The following HYAL4 variants were observed in gnomAD, a reference collection of about 807,000 sequenced individuals.
HYAL4 encodes hyaluronidase-4.
In HYAL4, 37 loss-of-function variants were observed where a neutral mutation model predicts 35.2. The observed-to-expected ratio is 1.05, with a 90% CI of 0.81 to 1.38. HYAL4 has a LOEUF of 1.38. Ranked by LOEUF, HYAL4 falls within the 40% of genes most tolerant of loss-of-function variation. HYAL4 has a pLI of 0.00. For missense variants in HYAL4, 572 were observed against 572.4 expected (o/e 1.00, Z 0.01); for synonymous variants, 198 against 203.2 (o/e 0.97, Z 0.22).
chr7:123,841,407 T>G (rs1057430588), upstream of HYAL4, among the ~76,000 whole-genome samples: 3 of 152,142 alleles, frequency 2.0e-5, no homozygotes, highest in Admixed American at 2.0e-4. Flanking sequence ...TTATTGAGGA[T>G]TTTTGCATCA....
At chr7:123,782,812 G>A in the HYAL4 span, among the ~76,000 whole-genome samples, 1 of 151,930 alleles carries the variant, frequency 6.6e-6, no homozygotes. Flanking sequence ...TTTTAACTTA[G>A]TGTAACTCAT....
chr7:123,786,713 G>GCTATCTATCTATCTATCTAT, the HYAL4 span, among the ~76,000 whole-genome samples: 17 of 148,462 alleles, frequency 1.1e-4, no homozygotes, highest in East Asian at 6.0e-4. Flanking sequence ...TGTATCACAT[G>GCTATCTATCTATCTATCTAT]CTATCTATCT....
At chr7:123,859,356 G>T (rs1268147120) in intron 2 of HYAL4, among the ~76,000 whole-genome samples, 1 of 152,106 alleles carries the variant, frequency 6.6e-6, no homozygotes, top group Non-Finnish European at 1.5e-5. Context: ...TAATTCACCG[G>T]TATTGTGCAT....
At chr7:123,803,611 T>C in the HYAL4 span, among the ~76,000 whole-genome samples, 2 of 152,244 alleles carry the variant, frequency 1.3e-5, no homozygotes, top group East Asian at 3.8e-4. Context: ...TTCTCAAAAT[T>C]CTATCTTCAG....
chr7:123,868,768 G>A lies in HYAL4; in HGVS notation c.495G>A (p.Gln165=). 1 of 1,614,164 alleles carries A rather than the reference G, an allele frequency of 6.2e-7. No homozygotes were observed. ...GGAACTCAAAAGATGTTTACAGACA[G>A]AAGTCAAGAAAGCTTATTTCCGATA... The part of the protein sequence containing the change: ...RNWNSKDVYR[Q]KSRKLISDMG... Residue 165 remains glutamine, a synonymous_variant, in exon 3 of 5, where the codon CAG becomes CAA. Transcript: ENST00000223026.
At position 123,857,669 on chromosome 7, in the gene HYAL4, G is replaced by GTTTGTTTCTTTC. The variant is rs1283770130; in HGVS notation, c.-52+9514_-52+9515insGTTTCTTTCTTT. Among the ~76,000 whole-genome samples the GTTTGTTTCTTTC allele has an allele frequency of 6.3e-3, 784 of 124,666 alleles. 2 individuals are homozygous for GTTTGTTTCTTTC. The highest frequency in any genetic ancestry group is 0.011 in the East Asian group (46 of 4,330). 81.8% of individuals were successfully genotyped at this position (124,666 alleles called of 152,430 possible). ...CCTTTCTTTGTTTCTTTCTTTGTTT[G>GTTTGTTTCTTTC]TTTCTTTCTTTCTTTCTTTCTTTCT... is the stretch of plus-strand genomic sequence containing the variant. On this transcript the variant is annotated intron_variant, in intron 2 of 4. Transcript: ENST00000223026.
the HYAL4 span, among the ~76,000 whole-genome samples, chr7:123,806,636 G>A: frequency 4.6e-5 from 7 of 150,540 alleles, no homozygotes; most frequent in Non-Finnish European, 1.0e-4. Context: ...TTTTTCAGTA[G>A]AGATGGGATT....
chr7:123,834,906 A>G (rs373284946), intron 1 of HYAL4, among the ~76,000 whole-genome samples: 2 of 152,150 alleles, frequency 1.3e-5, no homozygotes, highest in East Asian at 3.8e-4. Flanking sequence ...ATGTTAAACC[A>G]TCCCTGCATC....
intron 2 of HYAL4, among the ~76,000 whole-genome samples, chr7:123,852,584 C>G (rs1384820771): frequency 6.6e-6 from 1 of 152,104 alleles, no homozygotes; most frequent in Non-Finnish European, 1.5e-5. Context: ...CTGTTCTCTT[C>G]CATTGGTCTA....
the HYAL4 span, among the ~76,000 whole-genome samples, chr7:123,807,296 A>G: frequency 1.3e-5 from 2 of 152,038 alleles, no homozygotes; most frequent in African/African-American, 2.4e-5. Flanking sequence ...AGCTACTACT[A>G]TTATCTCTTT....
intron 3 of HYAL4, among the ~76,000 whole-genome samples, chr7:123,871,272 A>ACCTCTG (rs1392423189): frequency 6.7e-6 from 1 of 148,782 alleles, no homozygotes; most frequent in Non-Finnish European, 1.5e-5. Context: ...GCTCACTGTG[A>ACCTCTG]CCTCTGCCTC....
At chr7:123,850,134 G>T (rs1806270352) in intron 2 of HYAL4, among the ~76,000 whole-genome samples, 1 of 152,184 alleles carries the variant, frequency 6.6e-6, no homozygotes, top group Admixed American at 6.5e-5. Context: ...TACAATTGTA[G>T]CAATAGCTAA....
At chr7:123,847,252 G>A (rs1374711861) in intron 1 of HYAL4, among the ~76,000 whole-genome samples, 4 of 152,056 alleles carry the variant, frequency 2.6e-5, no homozygotes, top group African/African-American at 9.7e-5. Flanking sequence ...ACTTTTAGTT[G>A]TTTTCAGTCT....
At chr7:123,774,031 G>A in the HYAL4 span, among the ~76,000 whole-genome samples, 1 of 151,918 alleles carries the variant, frequency 6.6e-6, no homozygotes, top group Admixed American at 6.6e-5. Flanking sequence ...TTTTATTTTT[G>A]TTTTTTCAGA....
the HYAL4 span, among the ~76,000 whole-genome samples, chr7:123,800,504 AAAG>A: frequency 0.027 from 4,160 of 151,528 alleles, 123 homozygotes; most frequent in African/African-American, 0.076. Context: ...AATTAAAAAA[AAAG>A]AAGTTTTTCT....
chr7:123,794,430 C>G, the HYAL4 span, among the ~76,000 whole-genome samples: 1 of 152,160 alleles, frequency 6.6e-6, no homozygotes, highest in African/African-American at 2.4e-5. Context: ...TTGTGGCAGC[C>G]CCTCCCATCA....
At chr7:123,839,597 A>G (rs1806020627) in intron 1 of HYAL4, among the ~76,000 whole-genome samples, 1 of 152,156 alleles carries the variant, frequency 6.6e-6, no homozygotes, top group African/African-American at 2.4e-5. Flanking sequence ...TTACACTTCC[A>G]CCAACAGTGT....
At position 123,876,942 on chromosome 7, in the gene HYAL4, G is replaced by A. The variant is rs144363376; in HGVS notation, c.1233G>A (p.Glu411=). 2 of 1,614,146 alleles carry A rather than the reference G, an allele frequency of 1.2e-6. No homozygotes were observed. The highest frequency in any genetic ancestry group is 1.7e-5 in the Admixed American group (1 of 60,014). Residue 411 remains glutamate (E), a synonymous_variant, in exon 5 of 5, where the codon GAG becomes GAA. Coordinates refer to ENST00000223026, the MANE Select transcript of HYAL4 (RefSeq NM_012269.3). The stretch of plus-strand genomic sequence containing the variant: ...CAAGTTACCACATAGAGGCCTCTGA[G>A]GACGGGGAGTTTACTGTGAAAGGAA... ...NPASYHIEAS[E]DGEFTVKGKA...
chr7:123,776,571 G>A, the HYAL4 span, among the ~76,000 whole-genome samples: 6 of 152,008 alleles, frequency 3.9e-5, no homozygotes, highest in African/African-American at 2.4e-5. Context: ...GCATCACCAC[G>A]CCTGGCTAAT....
Sources: gnomAD v4.1 joint callset for allele counts (sites outside exome capture counted in the v4.1 genomes callset) on GRCh38, gnomAD v4.1.1 for gene constraint, MANE v1.5 for transcripts, NCBI Gene and HGNC (gene_info 2026-07-23, HGNC 2026-07-21) for gene names.